Variants in PLB1 observed in about 807,000 individuals in gnomAD.
PLB1 encodes phospholipase B1, membrane-associated.
In PLB1, 242 loss-of-function variants were observed where a neutral mutation model predicts 227.4. The observed-to-expected ratio is 1.06, with a 90% CI of 0.96 to 1.18. The LOEUF (loss-of-function observed/expected upper bound fraction) is 1.18. Ranked by LOEUF, PLB1 falls within the 50% of genes most tolerant of loss-of-function variation. PLB1 has a pLI of 0.00. For synonymous variants in PLB1, 757 were observed against 682.2 expected (o/e 1.11, Z -1.71); for missense variants, 1,858 against 1,816.3 (o/e 1.02, Z -0.42).
intron 25 of PLB1, 172 bp from the exon 26 acceptor site, chr2:28,585,589 T>C: frequency 1.7e-6 from 1 of 599,688 alleles, no homozygotes; most frequent in East Asian, 3.0e-5. Flanking sequence ...GAAATCTTCT[T>C]TAGCTTCGTT....
intron 17 of PLB1, among the ~76,000 whole-genome samples, chr2:28,562,558 A>AAAAAAAAAAAAAAAAT (rs1261725245): frequency 6.8e-6 from 1 of 147,658 alleles, no homozygotes; most frequent in Non-Finnish European, 1.5e-5. Context: ...AAAAAAAAAA[A>AAAAAAAAAAAAAAAAT]AGTCAGTGGC....
At chr2:28,577,940 T>C (rs1679260265) in intron 21 of PLB1, among the ~76,000 whole-genome samples, 167 bp from the exon 22 acceptor site, 1 of 152,244 alleles carries the variant, frequency 6.6e-6, no homozygotes. Context: ...ACCCCCGCAG[T>C]GGAGCCTGAA....
intron 1 of PLB1, among the ~76,000 whole-genome samples, chr2:28,508,288 A>G (rs193189013): frequency 2.0e-4 from 31 of 152,228 alleles, no homozygotes; most frequent in Admixed American, 9.2e-4. Flanking sequence ...TGCTCACCTC[A>G]TCTCCTCTAG....
rs563050144 is a variant in PLB1, at chr2:28,560,578, C to T, written c.1148-2463C>T. Among the ~76,000 whole-genome samples, 4 of 152,100 alleles carry T rather than the reference C, an allele frequency of 2.6e-5. No homozygotes were observed. In the South Asian group the frequency reaches 6.2e-4, roughly 24 times the overall value. On this transcript the variant is annotated intron_variant, in intron 17 of 57. Transcript: ENST00000327757. ...GGAGGATCGCTTGAGCCCAGGAGGCCGAGGCTGCAGTGAGCCATGATCACA... is the reference window on the plus strand; with the variant it reads ...GGAGGATCGCTTGAGCCCAGGAGGCTGAGGCTGCAGTGAGCCATGATCACA...
rs1055356579 is a variant in PLB1 at position 28,566,791 on chromosome 2, T to G, written c.1281-5T>G. 6.2e-6 allele frequency: 10 copies of G among 1,614,144 alleles called. No individual in the cohort carries two copies. The East Asian group carries it at 2.2e-4, about 36-fold the overall frequency. On this transcript the variant is annotated splice_region_variant and splice_polypyrimidine_tract_variant and intron_variant, in intron 19 of 57. Coordinates refer to ENST00000327757, the MANE Select transcript of PLB1 (RefSeq NM_153021.5). ...TTCATTTTCTTTCTTGGACCCACGTTACAGCGTCGGCGGAGATGAGAACAT... is the reference window on the plus strand; with the variant it reads ...TTCATTTTCTTTCTTGGACCCACGTGACAGCGTCGGCGGAGATGAGAACAT...
At chr2:28,509,582 A>G (rs1227835003) in intron 1 of PLB1, among the ~76,000 whole-genome samples, 2 of 152,174 alleles carry the variant, frequency 1.3e-5, no homozygotes, top group African/African-American at 4.8e-5. Context: ...TCCAACTTGG[A>G]TGACTGATCT....
intron 1 of PLB1, among the ~76,000 whole-genome samples, chr2:28,516,029 G>A (rs1668807685): frequency 6.6e-6 from 1 of 152,158 alleles, no homozygotes; most frequent in African/African-American, 2.4e-5. Context: ...TTGATTGTAA[G>A]AGGCATAGCA....
rs184601537 is a variant in PLB1, at chr2:28,511,709, G to A, written c.56-5099G>A. Reference sequence around the variant, plus strand: ...ATTCTCTGTGCTTATCCTACTTAACGTTCTTTCAGCTTGTTGAATCTGTGG... The same window carrying A: ...ATTCTCTGTGCTTATCCTACTTAACATTCTTTCAGCTTGTTGAATCTGTGG... On this transcript the variant is annotated intron_variant, in intron 1 of 57. Transcript: ENST00000327757. Among the ~76,000 whole-genome samples, 7 of 151,766 alleles carry A rather than the reference G, an allele frequency of 4.6e-5. 1 individual carries two copies. The highest frequency in any genetic ancestry group is 4.2e-4 in the South Asian group (2 of 4,796).
At chr2:28,522,583 C>T (rs1335510195) in intron 4 of PLB1, among the ~76,000 whole-genome samples, 2 of 152,304 alleles carry the variant, frequency 1.3e-5, no homozygotes, top group Middle Eastern at 6.8e-3. Flanking sequence ...GTCCTTCTGC[C>T]TGGGGCAGGG....
intron 1 of PLB1, among the ~76,000 whole-genome samples, chr2:28,513,720 T>C (rs1668529323): frequency 6.6e-6 from 1 of 151,864 alleles, no homozygotes; most frequent in South Asian, 2.1e-4. Flanking sequence ...AATGCGGGAG[T>C]GCAGCAGAAA....
intron 21 of PLB1, among the ~76,000 whole-genome samples, 171 bp from the exon 22 acceptor site, chr2:28,577,936 G>A (rs189405155): frequency 2.9e-4 from 44 of 152,328 alleles, no homozygotes; most frequent in Non-Finnish European, 5.0e-4. Flanking sequence ...CCACACCCCC[G>A]CAGTGGAGCC....
chr2:28,630,705 GC>G, intron 54 of PLB1, 41 bp downstream of exon 54: 5 of 1,550,174 alleles, frequency 3.2e-6, no homozygotes, highest in Non-Finnish European at 3.5e-6. Flanking sequence ...CAGCTGGGGG[GC>G]CCCCTGTACT....
chr2:28,561,000 C>G (rs1306768897), intron 17 of PLB1, among the ~76,000 whole-genome samples: 2 of 152,232 alleles, frequency 1.3e-5, no homozygotes, highest in African/African-American at 4.8e-5. Flanking sequence ...CTCCCTCATC[C>G]TCCTGTTATT....
chr2:28,537,837 G>A (rs1449367714), intron 9 of PLB1, among the ~76,000 whole-genome samples: 1 of 151,994 alleles, frequency 6.6e-6, no homozygotes, highest in Non-Finnish European at 1.5e-5. Flanking sequence ...CTTATCTTAG[G>A]GCAAACACAG....
chr2:28,498,825 C>T (rs1037517218), intron 1 of PLB1, among the ~76,000 whole-genome samples: 5 of 152,138 alleles, frequency 3.3e-5, no homozygotes, highest in Non-Finnish European at 5.9e-5. Flanking sequence ...TCAGAAGTGC[C>T]TTGGCTTTGA....
chr2:28,606,064 T>A, intron 42 of PLB1, 116 bp downstream of exon 42: 1 of 805,786 alleles, frequency 1.2e-6, no homozygotes, highest in South Asian at 1.6e-5. Context: ...GGTACATCTA[T>A]AAACGTCTAT....
chr2:28,566,953 A>C, intron 20 of PLB1, 114 bp downstream of exon 20: 1 of 1,247,888 alleles, frequency 8.0e-7, no homozygotes, highest in Non-Finnish European at 1.2e-6. Context: ...GGAGCCCGCT[A>C]AATTCACCAG....
Position 28,540,422 on chromosome 2 carries a change from T to G in PLB1, c.755T>G (p.Val252Gly), listed in dbSNP as rs781165167. 1.2e-6 allele frequency: 2 copies of G among 1,613,988 alleles called. No individual in the cohort carries two copies. The highest frequency in any genetic ancestry group is 3.3e-5 in the Admixed American group (2 of 60,022). The change falls in exon 12 of 58, where the codon GTG (valine) becomes GGG (glycine). Residue 252 changes from valine (V) to glycine (G), a missense_variant. By Grantham distance (109) the Val-to-Gly change is moderately radical. Coordinates refer to ENST00000327757, the MANE Select transcript of PLB1 (RefSeq NM_153021.5). The part of the protein sequence containing the change: ...SEETTRLAKV[V>G]MQWSYQEAWN... ...GAGACCACCCGGCTGGCCAAGGTGGTGATGCAGTGGTCTTATCAGGTGAGC... is the reference window on the plus strand; with the variant it reads ...GAGACCACCCGGCTGGCCAAGGTGGGGATGCAGTGGTCTTATCAGGTGAGC...
rs149767248 is a variant in PLB1, at chr2:28,503,950, A to G, written c.55+7781A>G. On this transcript the variant is annotated intron_variant, in intron 1 of 57. Transcript: ENST00000327757. ...CAGGATGAGACGAAATGCTGTGGCCATCTTTGGAAAAATATACCATCGTCT... is the reference window on the plus strand; with the variant it reads ...CAGGATGAGACGAAATGCTGTGGCCGTCTTTGGAAAAATATACCATCGTCT... 2.6e-5 allele frequency among the ~76,000 whole-genome samples: 4 copies of G among 152,358 alleles called. No individual in the cohort carries two copies. The East Asian group carries it at 7.7e-4, about 29-fold the overall frequency.
Sources: gnomAD v4.1 joint callset for allele counts (sites outside exome capture counted in the v4.1 genomes callset) on GRCh38, gnomAD v4.1.1 for gene constraint, MANE v1.5 for transcripts, NCBI Gene and HGNC (gene_info 2026-07-23, HGNC 2026-07-21) for gene names.